CIMAP2: variants seen among roughly 807,000 people sequenced by gnomAD.
CIMAP2 encodes ciliary microtubule associated protein 2, also known as ciliary microtubule-associated protein 2.
chr1:54,836,849 G>C, the CIMAP2 span, among the ~76,000 whole-genome samples: 4 of 151,974 alleles, frequency 2.6e-5, no homozygotes, highest in African/African-American at 9.7e-5. Flanking sequence ...ATGGAAGAAC[G>C]AAGCCAGGTG....
chr1:54,818,724 T>C, the CIMAP2 span, among the ~76,000 whole-genome samples: 2 of 151,716 alleles, frequency 1.3e-5, no homozygotes, highest in Non-Finnish European at 1.5e-5. Flanking sequence ...CCAAAGTAGC[T>C]GGGATTACAA....
At chr1:54,823,009 G>A in the CIMAP2 span, among the ~76,000 whole-genome samples, 2 of 152,202 alleles carry the variant, frequency 1.3e-5, no homozygotes, top group African/African-American at 4.8e-5. Context: ...CTATCCTGGA[G>A]AATGTTCCAT....
the CIMAP2 span, among the ~76,000 whole-genome samples, chr1:54,811,525 G>A: frequency 0.09 from 13,655 of 152,208 alleles, 767 homozygotes; most frequent in Admixed American, 0.12. Flanking sequence ...TGGCCAAAGT[G>A]TGCAATGTAA....
At chr1:54,811,199 G>A in the CIMAP2 span, among the ~76,000 whole-genome samples, 4 of 152,184 alleles carry the variant, frequency 2.6e-5, no homozygotes, top group Admixed American at 6.5e-5. Context: ...AACCCAGAAC[G>A]GCAGTCCTTC....
chr1:54,821,564 C>A, the CIMAP2 span, among the ~76,000 whole-genome samples: 1 of 151,888 alleles, frequency 6.6e-6, no homozygotes, highest in East Asian at 1.9e-4. Flanking sequence ...TTTGTGTCCT[C>A]TTCAATTTCT....
the CIMAP2 span, among the ~76,000 whole-genome samples, chr1:54,829,052 G>GCAC: frequency 1.2e-4 from 18 of 152,196 alleles, no homozygotes; most frequent in Admixed American, 7.2e-4. Context: ...GGAGGACTAA[G>GCAC]CACCACACTG....
the CIMAP2 span, among the ~76,000 whole-genome samples, chr1:54,822,065 A>AT: frequency 8.1e-5 from 11 of 136,538 alleles, 1 homozygote; most frequent in African/African-American, 3.0e-4. Flanking sequence ...CGCCCGGCTA[A>AT]TTTTTTGTAT....
chr1:54,811,429 C>T, the CIMAP2 span, among the ~76,000 whole-genome samples: 1 of 152,036 alleles, frequency 6.6e-6, no homozygotes, highest in Non-Finnish European at 1.5e-5. Context: ...AGGGCATTCC[C>T]GGTGGTGGTT....
At chr1:54,806,182 G>A in the CIMAP2 span, 1 of 1,551,900 alleles carries the variant, frequency 6.4e-7, no homozygotes, top group Non-Finnish European at 8.7e-7. Flanking sequence ...CGGCCACCAA[G>A]TGGTTCACCG....
the CIMAP2 span, chr1:54,807,756 C>A: frequency 6.6e-7 from 1 of 1,521,566 alleles, no homozygotes; most frequent in South Asian, 1.3e-5. Flanking sequence ...TGCAGCTGCT[C>A]TGTGTGGCCT....
chr1:54,834,545 A>G, the CIMAP2 span, among the ~76,000 whole-genome samples: 1 of 152,198 alleles, frequency 6.6e-6, no homozygotes, highest in South Asian at 2.1e-4. Context: ...CTCAGATTAT[A>G]CAGGTTGAGT....
chr1:54,820,037 A>ATTCC, the CIMAP2 span, among the ~76,000 whole-genome samples: 11 of 74,822 alleles, frequency 1.5e-4, no homozygotes, highest in Non-Finnish European at 2.3e-4. Context: ...TCCTTCCTTC[A>ATTCC]TTCATTCCTT....
At chr1:54,828,299 A>C in the CIMAP2 span, among the ~76,000 whole-genome samples, 1 of 149,264 alleles carries the variant, frequency 6.7e-6, no homozygotes, top group South Asian at 2.2e-4. Flanking sequence ...CAAATGGAAA[A>C]TTAATTGAGG....
the CIMAP2 span, chr1:54,807,189 T>C: frequency 8.0e-7 from 1 of 1,250,438 alleles, no homozygotes; most frequent in Non-Finnish European, 1.2e-6. Context: ...GCGTACTTTC[T>C]ACCTTCTTCC....
At chr1:54,831,393 C>T in the CIMAP2 span, among the ~76,000 whole-genome samples, 1 of 151,848 alleles carries the variant, frequency 6.6e-6, no homozygotes, top group Non-Finnish European at 1.5e-5. Flanking sequence ...TGGCTCATTC[C>T]TGCAATTGCA....
At chr1:54,823,698 G>A in the CIMAP2 span, among the ~76,000 whole-genome samples, 20 of 152,036 alleles carry the variant, frequency 1.3e-4, no homozygotes, top group Non-Finnish European at 2.4e-4. Flanking sequence ...TAGGGATAAC[G>A]TTAGACTACT....
the CIMAP2 span, among the ~76,000 whole-genome samples, chr1:54,838,618 A>C: frequency 2.6e-5 from 4 of 152,110 alleles, no homozygotes; most frequent in Non-Finnish European, 5.9e-5. Context: ...GCAGTTAGCT[A>C]TTGCTACATA....
chr1:54,818,370 GT>G, the CIMAP2 span, among the ~76,000 whole-genome samples: 1 of 151,308 alleles, frequency 6.6e-6, no homozygotes, highest in African/African-American at 2.4e-5. Flanking sequence ...TGGCACTCTA[GT>G]TTTCTTTTTT....
the CIMAP2 span, among the ~76,000 whole-genome samples, chr1:54,806,663 A>T: frequency 0.029 from 4,257 of 147,690 alleles, 149 homozygotes; most frequent in African/African-American, 0.085. Flanking sequence ...ACAGCAGTGA[A>T]CACAACAGCA....
Sources: allele counts gnomAD v4.1 joint callset (sites outside exome capture counted in the v4.1 genomes callset), GRCh38; gene constraint gnomAD v4.1.1; transcripts MANE v1.5; gene names NCBI Gene and HGNC (gene_info 2026-07-23, HGNC 2026-07-21).